KLHL1: variants seen among roughly 807,000 people sequenced by gnomAD.
The protein encoded by KLHL1 is kelch like family member 1, also known as kelch-like protein 1.
Under a neutral mutation model 77.7 loss-of-function variants are expected in KLHL1, and 47 were observed. That is an observed-to-expected ratio of 0.60 (90% CI 0.48 to 0.77). The LOEUF is 0.77. Among genes scored for constraint, KLHL1 ranks in the 30% least tolerant of loss-of-function variants. KLHL1 has a pLI of 0.00. For missense variants in KLHL1, 925 were observed against 910.8 expected (o/e 1.02, Z -0.20); for synonymous variants, 360 against 325.2 (o/e 1.11, Z -1.15).
intron 7 of KLHL1, among the ~76,000 whole-genome samples, chr13:69,778,505 C>A (rs1241233721): frequency 6.6e-6 from 1 of 151,774 alleles, no homozygotes; most frequent in African/African-American, 2.4e-5. Flanking sequence ...TCTTATATTC[C>A]TTAATAGAAA....
chr13:69,792,939 T>C (rs535364373), intron 7 of KLHL1, among the ~76,000 whole-genome samples: 140 of 152,240 alleles, frequency 9.2e-4, no homozygotes, highest in African/African-American at 2.8e-3. Flanking sequence ...ACAAAAATGT[T>C]TTGGAATTTG....
chr13:69,983,898 G>A (rs528929741), intron 1 of KLHL1, among the ~76,000 whole-genome samples: 1 of 84,306 alleles, frequency 1.2e-5, no homozygotes, highest in South Asian at 4.2e-4. Context: ...ATGCATTTAC[G>A]GCTGATTTTT....
At chr13:70,075,561 G>A (rs1291361143) in intron 1 of KLHL1, among the ~76,000 whole-genome samples, 3 of 117,516 alleles carry the variant, frequency 2.6e-5, no homozygotes, top group Non-Finnish European at 3.5e-5. Context: ...ACCTGTGTGT[G>A]TGTATGTGTA....
chr13:69,787,532 T>C (rs1270896763), intron 7 of KLHL1, among the ~76,000 whole-genome samples: 2 of 152,186 alleles, frequency 1.3e-5, no homozygotes, highest in Admixed American at 1.3e-4. Context: ...AAGATTTACA[T>C]GTTAGACCTA....
intron 1 of KLHL1, among the ~76,000 whole-genome samples, chr13:69,984,722 A>T (rs973471604): frequency 6.6e-6 from 1 of 151,974 alleles, no homozygotes; most frequent in Non-Finnish European, 1.5e-5. Flanking sequence ...ACTTCACTCC[A>T]TGTGTGTCTA....
chr13:70,032,411 A>G (rs1336089846), intron 1 of KLHL1, among the ~76,000 whole-genome samples: 3 of 152,206 alleles, frequency 2.0e-5, no homozygotes, highest in Non-Finnish European at 4.4e-5. Flanking sequence ...TTCAGGATAA[A>G]ACTTGACAGA....
intron 3 of KLHL1, among the ~76,000 whole-genome samples, chr13:69,958,238 A>AAATAATAATAATAAT (rs75990668): frequency 6.7e-6 from 1 of 150,182 alleles, no homozygotes; most frequent in African/African-American, 2.4e-5. Context: ...ACCAGTTACC[A>AAATAATAATAATAAT]AATAATAATA....
At chr13:70,078,991 C>A (rs1887329570) in intron 1 of KLHL1, among the ~76,000 whole-genome samples, 1 of 152,112 alleles carries the variant, frequency 6.6e-6, no homozygotes, top group African/African-American at 2.4e-5. Flanking sequence ...ATTAGCTGGG[C>A]AGTTTTATTG....
chr13:70,038,609 A>G (rs1212231859), intron 1 of KLHL1, among the ~76,000 whole-genome samples: 2 of 34,482 alleles, frequency 5.8e-5, no homozygotes, highest in African/African-American at 6.9e-5. Flanking sequence ...TTTTTTTGAG[A>G]TAGAGTCTCA....
chr13:69,707,703 AT>A lies in KLHL1; in HGVS notation c.2108del (p.Tyr703LeufsTer31), dbSNP rs1473162363. 1 of 1,612,856 alleles carries A rather than the reference AT, an allele frequency of 6.2e-7. No homozygotes were observed. Among genetic ancestry groups the A allele is most frequent in the Non-Finnish European group, 8.5e-7 (1 of 1,179,264 alleles). ...TCTGTCCATCATAGCCACCAACAGC[AT>A]ATAATCTGTCACCAAGGAGACAGAC... ...VGVCLLGDRL[Y>X]AVGGYDGQTY... is the part of the protein sequence containing the mutation. On this transcript the variant is annotated frameshift_variant, in exon 10 of 11. Transcript: ENST00000377844. LOFTEE classifies it high-confidence loss of function.
rs184404694 is a variant in KLHL1 at position 69,729,490 on chromosome 13, T to A, written c.1803-9909A>T. On this transcript the variant is annotated intron_variant, in intron 8 of 10. Transcript: ENST00000377844. ...CAACAGCCAGGTTAGAATGACACAT[T>A]AGTGTTACGTGATAGCAAAACAAGG... Among the ~76,000 whole-genome samples, 17 of 152,100 alleles carry A rather than the reference T, an allele frequency of 1.1e-4. No individual in the cohort carries two copies. The East Asian group carries it at 3.3e-3, about 29-fold the overall frequency.
At position 69,973,149 on chromosome 13, in the gene KLHL1, A is replaced by G. The variant is rs369193484; in HGVS notation, c.680+2471T>C. On this transcript the variant is annotated intron_variant, in intron 2 of 10. Transcript: ENST00000377844. ...AGCCTTTCAGACCTTATCTACTTAA[A>G]AATATGCCTAACAGTAAACAGAACT... Among the ~76,000 whole-genome samples, 5 of 152,082 alleles carry G rather than the reference A, an allele frequency of 3.3e-5. No homozygotes were observed. The South Asian group carries it at 6.2e-4, about 19-fold the overall frequency.
intron 8 of KLHL1, among the ~76,000 whole-genome samples, chr13:69,734,678 C>T (rs775214020): frequency 6.6e-6 from 1 of 151,862 alleles, no homozygotes; most frequent in Admixed American, 6.6e-5. Context: ...CAAATTAGGA[C>T]AATCACAATA....
chr13:70,020,168 G>T (rs1212647023), intron 1 of KLHL1, among the ~76,000 whole-genome samples: 4 of 152,000 alleles, frequency 2.6e-5, no homozygotes, highest in African/African-American at 7.2e-5. Context: ...AAATGGACTA[G>T]GATAAATGGA....
chr13:69,890,466 C>T (rs1489296070), intron 4 of KLHL1, among the ~76,000 whole-genome samples: 1 of 151,988 alleles, frequency 6.6e-6, no homozygotes, highest in Non-Finnish European at 1.5e-5. Context: ...TGATGGGAAA[C>T]CCACGACCCT....
At chr13:69,818,905 T>C (rs894668088) in intron 6 of KLHL1, among the ~76,000 whole-genome samples, 1 of 152,206 alleles carries the variant, frequency 6.6e-6, no homozygotes, top group Non-Finnish European at 1.5e-5. Flanking sequence ...TTTATTATAT[T>C]GCTTTTCTTC....
intron 1 of KLHL1, among the ~76,000 whole-genome samples, chr13:70,020,658 AG>A: frequency 6.6e-6 from 1 of 152,162 alleles, no homozygotes; most frequent in Non-Finnish European, 1.5e-5. Flanking sequence ...CAGATAACCC[AG>A]GTACATAAAG....
At chr13:70,063,470 A>G (rs773875203) in intron 1 of KLHL1, among the ~76,000 whole-genome samples, 1 of 152,098 alleles carries the variant, frequency 6.6e-6, no homozygotes, top group African/African-American at 2.4e-5. Context: ...TAGTGTTTAC[A>G]TTGTTAATTT....
At chr13:70,081,682 G>A (rs1274195732) in intron 1 of KLHL1, among the ~76,000 whole-genome samples, 1 of 152,086 alleles carries the variant, frequency 6.6e-6, no homozygotes, top group Non-Finnish European at 1.5e-5. Context: ...GTTTAAACAG[G>A]AATTTCCATT....
Sources: gnomAD v4.1 joint callset for allele counts (sites outside exome capture counted in the v4.1 genomes callset) on GRCh38, gnomAD v4.1.1 for gene constraint, MANE v1.5 for transcripts, NCBI Gene and HGNC (gene_info 2026-07-23, HGNC 2026-07-21) for gene names.